KLF12: variants seen among roughly 807,000 people sequenced by gnomAD.
KLF12 encodes KLF transcription factor 12.
A neutral mutation model predicts 37.8 loss-of-function variants in KLF12; 9 were observed. The observed-to-expected ratio is 0.24, with a 90% CI of 0.14 to 0.42. The LOEUF (loss-of-function observed/expected upper bound fraction) is 0.42. KLF12 is among the 10% of genes least tolerant of loss of function. The probability of loss-of-function intolerance (pLI) is 1.00; values close to 1 mark genes in which losing one functional copy is unlikely to be tolerated. For missense variants in KLF12, 411 were observed against 516.0 expected (o/e 0.80, Z 1.97); for synonymous variants, 208 against 202.1 (o/e 1.03, Z -0.25).
At chr13:73,976,153 T>TTTG (rs749641984) in intron 2 of KLF12, among the ~76,000 whole-genome samples, 1 of 143,988 alleles carries the variant, frequency 6.9e-6, no homozygotes, top group African/African-American at 2.5e-5. Flanking sequence ...TGTTTTGGGG[T>TTTG]TTTTTTTTTC....
intron 7 of KLF12, among the ~76,000 whole-genome samples, chr13:73,708,739 TTAA>T: frequency 6.6e-6 from 1 of 152,190 alleles, no homozygotes; most frequent in Non-Finnish European, 1.5e-5. Flanking sequence ...TGCAAATCAG[TTAA>T]TAAGCAATAG....
chr13:74,129,297 T>C (rs910001433), intron 1 of KLF12, among the ~76,000 whole-genome samples: 3 of 152,338 alleles, frequency 2.0e-5, no homozygotes, highest in African/African-American at 7.2e-5. Flanking sequence ...ACGTTTTCAA[T>C]CTACAATTGA....
At chr13:74,163,068 A>G in the KLF12 span, among the ~76,000 whole-genome samples, 1 of 152,298 alleles carries the variant, frequency 6.6e-6, no homozygotes, top group Admixed American at 6.5e-5. Flanking sequence ...GGGAAGGTAG[A>G]GGCTATAGAA....
chr13:74,079,050 C>T (rs1355235956), intron 1 of KLF12, among the ~76,000 whole-genome samples: 3 of 152,058 alleles, frequency 2.0e-5, no homozygotes, highest in Non-Finnish European at 4.4e-5. Flanking sequence ...ATTCTCTTCC[C>T]ACAGTAGGCA....
Position 73,916,703 on chromosome 13 carries a change from G to A in KLF12, c.123+27278C>T, listed in dbSNP as rs567554189. 1.8e-4 allele frequency among the ~76,000 whole-genome samples: 28 copies of A among 152,262 alleles called. No homozygotes were observed. In the South Asian group the frequency reaches 5.6e-3, roughly 31 times the overall value. On this transcript the variant is annotated intron_variant, in intron 3 of 7. Coordinates refer to ENST00000377669, the MANE Select transcript of KLF12 (RefSeq NM_007249.5). ...GTCTGTAAGTTACTTTGCAGTGAGG[G>A]CTTAAGTATGATCATTTAGGTTTGA...
intron 2 of KLF12, among the ~76,000 whole-genome samples, chr13:73,985,143 G>A (rs980161930): frequency 3.9e-5 from 6 of 152,186 alleles, no homozygotes; most frequent in East Asian, 3.9e-4. Flanking sequence ...AAAACATGTC[G>A]ACGAGAGTCT....
chr13:74,179,965 C>T, the KLF12 span, among the ~76,000 whole-genome samples: 1 of 152,164 alleles, frequency 6.6e-6, no homozygotes, highest in African/African-American at 2.4e-5. Context: ...AGGAGAGCTA[C>T]TCTATCTAAA....
chr13:74,221,173 A>AT, the KLF12 span, among the ~76,000 whole-genome samples: 3 of 151,760 alleles, frequency 2.0e-5, no homozygotes, highest in Non-Finnish European at 2.9e-5. Flanking sequence ...CGCCCGGCTA[A>AT]TTTTTTGTAT....
At chr13:74,287,125 G>A in the KLF12 span, among the ~76,000 whole-genome samples, 495 of 152,220 alleles carry the variant, frequency 3.3e-3, 3 homozygotes, top group African/African-American at 0.011. Flanking sequence ...TCGGCTCACT[G>A]CTGCAGGCTT....
chr13:74,072,401 ATATAT>A lies in KLF12; in HGVS notation c.-32+61333_-32+61337del, dbSNP rs1566198870. On this transcript the variant is annotated intron_variant, in intron 1 of 7. Transcript: ENST00000377669. Reference sequence around the variant, plus strand: ...TATATATATATATATATATATATATATATATAAAAGATTATCTACAAGAAACTAAA... The same window carrying A: ...TATATATATATATATATATATATATAAAAAGATTATCTACAAGAAACTAAA... Among the ~76,000 whole-genome samples the A allele has an allele frequency of 4.1e-4, 55 of 133,200 alleles. No individual in the cohort carries two copies. The East Asian group carries it at 6.5e-3, about 16-fold the overall frequency. The allele number at this position is 133,200 out of a possible 152,430, so 87.4% of individuals were successfully genotyped here. A position where few individuals can be genotyped will look rare whatever the true frequency, so the allele number is the denominator to read the frequency against.
intron 1 of KLF12, among the ~76,000 whole-genome samples, chr13:74,065,899 A>G (rs1169571292): frequency 6.6e-6 from 1 of 151,978 alleles, no homozygotes; most frequent in Non-Finnish European, 1.5e-5. Context: ...GGTTTTATGA[A>G]GAAGGGGAGC....
the KLF12 span, among the ~76,000 whole-genome samples, chr13:74,151,123 T>C: frequency 6.6e-6 from 1 of 152,254 alleles, no homozygotes; most frequent in Admixed American, 6.5e-5. Flanking sequence ...GTTGAATGAC[T>C]GTTAACTTAT....
intron 3 of KLF12, among the ~76,000 whole-genome samples, chr13:73,890,910 A>T (rs1887475510): frequency 6.6e-6 from 1 of 152,150 alleles, no homozygotes; most frequent in Non-Finnish European, 1.5e-5. Flanking sequence ...ATTTTAAAGA[A>T]TAAGGTATTG....
In KLF12 at chr13:73,690,001, G is replaced by A. The variant is rs991929791; in HGVS notation, c.*5489C>T. ...GATTTGTGTTCTTAACGTTCTGCAA[G>A]TTAGAAAGATCAAATTAAGAAATGT... On this transcript the variant is annotated 3_prime_UTR_variant, in exon 8 of 8. Transcript: ENST00000377669. 1.3e-5 allele frequency: 2 copies of A among 152,278 alleles called. No individual in the cohort carries two copies. Among genetic ancestry groups the A allele is most frequent in the African/African-American group, 4.8e-5 (2 of 41,432 alleles). 9.4% of individuals were successfully genotyped at this position (152,278 alleles called of 1,614,324 possible). A position where few individuals can be genotyped will look rare whatever the true frequency, so the allele number is the denominator to read the frequency against.
intron 1 of KLF12, among the ~76,000 whole-genome samples, chr13:74,092,062 G>T (rs371255667): frequency 6.5e-4 from 98 of 151,586 alleles, no homozygotes; most frequent in African/African-American, 2.3e-3. Context: ...GGCTGAGGCG[G>T]GCAGATCACG....
chr13:74,236,179 G>C, the KLF12 span, among the ~76,000 whole-genome samples: 4 of 144,404 alleles, frequency 2.8e-5, no homozygotes, highest in Non-Finnish European at 6.0e-5. Context: ...CCACCTATGA[G>C]TGAGAATATG....
chr13:74,155,423 A>G, the KLF12 span, among the ~76,000 whole-genome samples: 2 of 150,736 alleles, frequency 1.3e-5, no homozygotes, highest in Non-Finnish European at 2.9e-5. Context: ...GTGCAATTGC[A>G]TGTCCTTAGC....
the KLF12 span, among the ~76,000 whole-genome samples, chr13:74,179,647 G>C: frequency 6.6e-6 from 1 of 152,134 alleles, no homozygotes; most frequent in Non-Finnish European, 1.5e-5. Flanking sequence ...CTGCCAGCTT[G>C]TTAAATTCTA....
chr13:73,911,828 G>A (rs572766489), intron 3 of KLF12, among the ~76,000 whole-genome samples: 43 of 152,212 alleles, frequency 2.8e-4, no homozygotes, highest in Middle Eastern at 6.8e-3. Context: ...TTCATTCTAC[G>A]TCTTTATTCC....
Sources: allele counts gnomAD v4.1 joint callset (sites outside exome capture counted in the v4.1 genomes callset), GRCh38; gene constraint gnomAD v4.1.1; transcripts MANE v1.5; gene names NCBI Gene and HGNC (gene_info 2026-07-23, HGNC 2026-07-21).